EPHA4: variants seen among roughly 807,000 people sequenced by gnomAD.
EPHA4 encodes the protein EPH receptor A4, also known as ephrin type-A receptor 4.
In EPHA4, 19 loss-of-function variants were observed where a neutral mutation model predicts 108.3. That is an observed-to-expected ratio of 0.18 (90% CI 0.12 to 0.26). The LOEUF (loss-of-function observed/expected upper bound fraction) is 0.26. Among genes scored for constraint, EPHA4 ranks in the 10% least tolerant of loss-of-function variants. The probability of loss-of-function intolerance (pLI) is 1.00; values close to 1 mark genes in which losing one functional copy is unlikely to be tolerated. For missense variants in EPHA4, 917 were observed against 1,254.0 expected (o/e 0.73, Z 4.06); for synonymous variants, 449 against 455.5 (o/e 0.99, Z 0.18).
At chr2:221,510,492 T>A (rs1250739578) in intron 3 of EPHA4, among the ~76,000 whole-genome samples, 1 of 152,072 alleles carries the variant, frequency 6.6e-6, no homozygotes, top group Non-Finnish European at 1.5e-5. Context: ...ACCTTGGAGG[T>A]AGTTTTCAGA....
chr2:221,559,678 G>T lies in EPHA4; in HGVS notation c.823+4053C>A, dbSNP rs539279313. 3.9e-5 allele frequency among the ~76,000 whole-genome samples: 6 copies of T among 152,148 alleles called. No homozygotes were observed. In the South Asian group the frequency reaches 8.3e-4, roughly 21 times the overall value. On this transcript the variant is annotated intron_variant, in intron 3 of 17. Coordinates refer to ENST00000281821, the MANE Select transcript of EPHA4 (RefSeq NM_004438.5). ...CATCTGGAACATTTCTTCATTAGGGGTATGTCTGTCCGGAAGGAGATGTCT... is the reference window on the plus strand; with the variant it reads ...CATCTGGAACATTTCTTCATTAGGGTTATGTCTGTCCGGAAGGAGATGTCT...
chr2:221,541,779 T>C (rs1478450817), intron 3 of EPHA4, among the ~76,000 whole-genome samples: 2 of 152,178 alleles, frequency 1.3e-5, no homozygotes, highest in Admixed American at 1.3e-4. Flanking sequence ...ACTCTTTATA[T>C]TTTGTACATT....
chr2:221,510,276 A>C (rs997697331), intron 3 of EPHA4, among the ~76,000 whole-genome samples: 1 of 152,230 alleles, frequency 6.6e-6, no homozygotes, highest in Non-Finnish European at 1.5e-5. Context: ...TCTGCAGTTT[A>C]GTAACTATAG....
chr2:221,514,590 T>TGTAA, intron 3 of EPHA4, among the ~76,000 whole-genome samples: 1 of 152,184 alleles, frequency 6.6e-6, no homozygotes, highest in Non-Finnish European at 1.5e-5. Context: ...CCTGATGACG[T>TGTAA]GTAAGTGTGT....
intron 14 of EPHA4, among the ~76,000 whole-genome samples, chr2:221,431,354 T>C (rs924503198): frequency 6.6e-6 from 1 of 152,252 alleles, no homozygotes; most frequent in Non-Finnish European, 1.5e-5. Context: ...TGCTCAGAAA[T>C]TGGCCTTCGA....
rs1689828677 is a variant in EPHA4 at position 221,424,111 on chromosome 2, C to T, written c.*819+1098G>A. Among the ~76,000 whole-genome samples the T allele has an allele frequency of 4.0e-5, 6 of 148,774 alleles. 1 individual carries two copies. In the South Asian group the frequency reaches 1.3e-3, roughly 32 times the overall value. Reference sequence around the variant, plus strand: ...CCTGGGCAACAGAGTGAGACTTTGTCTCAAATAGTAATAATAATAATAATA... The same window carrying T: ...CCTGGGCAACAGAGTGAGACTTTGTTTCAAATAGTAATAATAATAATAATA... On this transcript the variant is annotated intron_variant, in intron 17 of 17. Transcript: ENST00000281821.
chr2:221,466,886 C>T (rs1691329029), intron 5 of EPHA4, among the ~76,000 whole-genome samples: 1 of 152,226 alleles, frequency 6.6e-6, no homozygotes, highest in East Asian at 1.9e-4. Flanking sequence ...TCTGCCCCTC[C>T]TTTCCATGGT....
At chr2:221,499,488 C>G (rs1574613966) in intron 4 of EPHA4, among the ~76,000 whole-genome samples, 1 of 148,776 alleles carries the variant, frequency 6.7e-6, no homozygotes. Context: ...TATTATCTCT[C>G]ATTATGAAAG....
In EPHA4 at chr2:221,482,482, G is replaced by A; in HGVS notation, c.1188C>T (p.Thr396=). 1 of 1,614,090 alleles carries A rather than the reference G, an allele frequency of 6.2e-7. No homozygotes were observed. Among genetic ancestry groups the A allele is most frequent in the Non-Finnish European group, 8.5e-7 (1 of 1,180,000 alleles). Residue 396 remains threonine (T), a synonymous_variant, in exon 5 of 18, where the codon ACC becomes ACT. Transcript: ENST00000281821. ...CTAGGAGGTCAGTGATGGAGACTTT[G>A]GTGGTCTTCAAGCCATTCTGCTGTG... ...YTPQQNGLKT[T]KVSITDLLAH... is the part of the protein sequence containing the mutation.
At chr2:221,563,635 G>T (rs1215492549) in intron 3 of EPHA4, 96 bp downstream of exon 3, 5 of 1,415,326 alleles carry the variant, frequency 3.5e-6, no homozygotes, top group South Asian at 2.6e-5. Context: ...TCCCACAGGG[G>T]CTACTAATTA....
At chr2:221,456,796 G>A (rs1276485509) in intron 6 of EPHA4, 24 bp from the exon 7 acceptor site, 7 of 1,610,104 alleles carry the variant, frequency 4.3e-6, no homozygotes, top group Non-Finnish European at 5.9e-6. Flanking sequence ...AGATAAAATT[G>A]GGGAAGGTGG....
intron 3 of EPHA4, among the ~76,000 whole-genome samples, chr2:221,546,011 C>G (rs1054261024): frequency 1.3e-5 from 2 of 152,202 alleles, no homozygotes; most frequent in Admixed American, 6.5e-5. Flanking sequence ...TCTCCCTCCC[C>G]CAGGGCTTTA....
chr2:221,490,247 A>G (rs191352838), intron 4 of EPHA4, among the ~76,000 whole-genome samples: 2 of 150,350 alleles, frequency 1.3e-5, no homozygotes, highest in African/African-American at 2.5e-5. Context: ...TGGCAATCAC[A>G]TGCTAAAATG....
intron 3 of EPHA4, chr2:221,502,699 G>T: frequency 2.4e-6 from 1 of 417,706 alleles, no homozygotes; most frequent in Admixed American, 2.6e-5. Context: ...TCTTGTAATG[G>T]CAAGCGGAAA....
Position 221,492,386 on chromosome 2 carries a change from T to C in EPHA4, c.979+8631A>G, listed in dbSNP as rs189497168. On this transcript the variant is annotated intron_variant, in intron 4 of 17. Transcript: ENST00000281821. The stretch of plus-strand genomic sequence containing the variant: ...CAGCATTTTTTTAAAAAGAATTCAG[T>C]GAGATGATACCTGATCTTTATGAAA... Among the ~76,000 whole-genome samples the C allele has an allele frequency of 2.1e-3, 325 of 152,212 alleles. 2 individuals carry two copies. The highest frequency in any genetic ancestry group is 7.6e-3 in the African/African-American group (316 of 41,532).
chr2:221,434,212 C>T lies in EPHA4; in HGVS notation c.2426G>A (p.Ser809Asn). ...CACTTCCCACATAACGATTCCATAGCTCCATACATCACTTGCTGATGTGAA... is the reference window on the plus strand; with the variant it reads ...CACTTCCCACATAACGATTCCATAGTTCCATACATCACTTGCTGATGTGAA... Reference protein sequence around the residue: ...RKFTSASDVWSYGIVMWEVMS... With the variant: ...RKFTSASDVWNYGIVMWEVMS... The change falls in exon 14 of 18, where the codon AGC becomes AAC. Residue 809 changes from serine (S) to asparagine (N), a missense_variant. Physicochemically the swap from Ser to Asn is conservative, Grantham distance 46. Transcript: ENST00000281821. 2.5e-6 allele frequency: 4 copies of T among 1,614,174 alleles called. No individual in the cohort carries two copies. The highest frequency in any genetic ancestry group is 2.5e-6 in the Non-Finnish European group (3 of 1,180,010).
intron 3 of EPHA4, among the ~76,000 whole-genome samples, chr2:221,517,207 C>A (rs1384946022): frequency 6.6e-6 from 1 of 151,978 alleles, no homozygotes; most frequent in Admixed American, 6.6e-5. Context: ...TAATAAAGGG[C>A]CAGCAATTGT....
chr2:221,437,947 A>G (rs1690298197), intron 11 of EPHA4, among the ~76,000 whole-genome samples: 1 of 151,446 alleles, frequency 6.6e-6, no homozygotes, highest in South Asian at 2.1e-4. Context: ...CAAAAAAACA[A>G]GCATGCGACT....
intron 3 of EPHA4, among the ~76,000 whole-genome samples, chr2:221,521,266 G>C (rs956420715): frequency 6.6e-6 from 1 of 152,178 alleles, no homozygotes; most frequent in Non-Finnish European, 1.5e-5. Context: ...GTAAGGAAAG[G>C]AAGAAAGCTC....
Sources: allele counts gnomAD v4.1 joint callset (sites outside exome capture counted in the v4.1 genomes callset), GRCh38; gene constraint gnomAD v4.1.1; transcripts MANE v1.5; gene names NCBI Gene and HGNC (gene_info 2026-07-23, HGNC 2026-07-21).